IYD: variants seen among roughly 807,000 people sequenced by gnomAD.
The protein encoded by IYD is iodotyrosine deiodinase 1.
IYD carries 25 observed loss-of-function variants against 28.4 expected under a neutral mutation model. That is an observed-to-expected ratio of 0.88 (90% CI 0.64 to 1.23). IYD has a LOEUF of 1.23. Ranked by LOEUF, IYD falls within the 50% of genes most tolerant of loss-of-function variation. The pLI, the probability that IYD is intolerant of heterozygous loss-of-function variation, is 0.00. For missense variants in IYD, 352 were observed against 357.9 expected (o/e 0.98, Z 0.13); for synonymous variants, 140 against 130.8 (o/e 1.07, Z -0.48).
At chr6:150,396,441 A>G (rs1250297817) in intron 4 of IYD, 1 of 682,854 alleles carries the variant, frequency 1.5e-6, no homozygotes. Context: ...TAATAAGAGG[A>G]ATTGTTTAAT....
intron 1 of IYD, among the ~76,000 whole-genome samples, chr6:150,386,816 G>A (rs1777880444): frequency 1.3e-5 from 2 of 151,842 alleles, no homozygotes. Flanking sequence ...ATAGTTATGT[G>A]ATGCATGGTA....
At chr6:150,381,108 T>C (rs1262311521) in intron 1 of IYD, among the ~76,000 whole-genome samples, 2 of 152,240 alleles carry the variant, frequency 1.3e-5, no homozygotes, top group Admixed American at 1.3e-4. Flanking sequence ...AAGGCAAAAG[T>C]ACCTATGGCC....
intron 4 of IYD, chr6:150,395,351 T>C (rs773756635): frequency 7.7e-6 from 11 of 1,427,378 alleles, no homozygotes; most frequent in Admixed American, 4.1e-5. Context: ...ACATGTATGT[T>C]GAATAACACC....
intron 4 of IYD, chr6:150,397,020 A>G (rs1259727828): frequency 6.6e-6 from 1 of 152,274 alleles, no homozygotes; most frequent in African/African-American, 2.4e-5. Flanking sequence ...TGTATTCTTG[A>G]GAACAGTCTC....
rs1778423997 is a variant in IYD at position 150,398,908 on chromosome 6, A to C, written c.*671A>C. ...AATACAAAAAATTAGCTGGGCATGC[A>C]CTTGTAATTCCAGCTACTCAGGAGG... On this transcript the variant is annotated 3_prime_UTR_variant, in exon 5 of 5. Coordinates refer to ENST00000344419, the MANE Select transcript of IYD (RefSeq NM_203395.3). 1 of 152,206 alleles carries C rather than the reference A, an allele frequency of 6.6e-6. No homozygotes were observed. The highest frequency in any genetic ancestry group is 1.5e-5 in the Non-Finnish European group (1 of 68,146). The allele number at this position is 152,206 out of a possible 1,614,324, so 9.4% of individuals were successfully genotyped here. A position where few individuals can be genotyped will look rare whatever the true frequency, so the allele number is the denominator to read the frequency against.
Position 150,369,016 on chromosome 6 carries a change from C to T in IYD, c.-16C>T, listed in dbSNP as rs377735219. 3.5e-5 allele frequency: 56 copies of T among 1,613,474 alleles called. No homozygotes were observed. The highest frequency in any genetic ancestry group is 4.5e-5 in the Non-Finnish European group (53 of 1,179,668). ...GTGTGGGAAGTGTGCACGCCTGTGA[C>T]GTCAGACTCCAGACCATGTATTTCC... On this transcript the variant is annotated 5_prime_UTR_variant, in exon 1 of 5. It adds an upstream start codon to the 5' untranslated region. Coordinates refer to ENST00000344419, the MANE Select transcript of IYD (RefSeq NM_203395.3).
intron 4 of IYD, among the ~76,000 whole-genome samples, chr6:150,397,580 C>CAA (rs765869613): frequency 1.6e-5 from 2 of 125,944 alleles, no homozygotes; most frequent in Non-Finnish European, 3.1e-5. Flanking sequence ...AAAAAAAAAA[C>CAA]AAAAAACAAA....
intron 3 of IYD, among the ~76,000 whole-genome samples, chr6:150,393,392 C>T (rs1051013147): frequency 6.6e-6 from 1 of 152,200 alleles, no homozygotes; most frequent in Admixed American, 6.5e-5. Context: ...GAAAGTGTAA[C>T]ATACAGATAT....
At position 150,398,203 on chromosome 6, in the gene IYD, G is replaced by A. The variant is rs917286641; in HGVS notation, c.836G>A (p.Arg279His). Reference sequence around the variant, plus strand: ...GAGGCCACGGTGCCTGACCTCAAGCGCAAACCTCTGGACCAGATCATGGTG... The same window carrying A: ...GAGGCCACGGTGCCTGACCTCAAGCACAAACCTCTGGACCAGATCATGGTG... ...SKEATVPDLK[R>H]KPLDQIMVTV The change falls in exon 5 of 5, where the codon CGC becomes CAC. Residue 279 changes from arginine to histidine, a missense_variant. By Grantham distance (29) the Arg-to-His change is conservative (BLOSUM62 0). Coordinates refer to ENST00000344419, the MANE Select transcript of IYD (RefSeq NM_203395.3). 8.1e-6 allele frequency: 13 copies of A among 1,614,132 alleles called. No homozygotes were observed. Among genetic ancestry groups the A allele is most frequent in the East Asian group, 2.2e-5 (1 of 44,862 alleles).
In IYD at chr6:150,389,559, T is replaced by C. The variant is rs759248262; in HGVS notation, c.370+16T>C. ...AGAACGGCAGGTTTGTAATTGCAGA[T>C]GGGGTCTTTGGAAATGTTAGTCACC... On this transcript the variant is annotated intron_variant, in intron 2 of 4. Transcript: ENST00000344419. 2.7e-5 allele frequency: 44 copies of C among 1,608,642 alleles called. No individual in the cohort carries two copies. Among genetic ancestry groups the C allele is most frequent in the African/African-American group, 2.5e-4 (19 of 74,814 alleles).
At chr6:150,380,957 T>C (rs649613) in intron 1 of IYD, among the ~76,000 whole-genome samples, 60,701 of 151,976 alleles carry the variant, frequency 0.4, 13,613 homozygotes, top group Non-Finnish European at 0.52. Flanking sequence ...AAAAGAGTGG[T>C]CCATGGAATC....
At chr6:150,387,980 C>T (rs1777942201) in intron 1 of IYD, among the ~76,000 whole-genome samples, 1 of 151,934 alleles carries the variant, frequency 6.6e-6, no homozygotes, top group Admixed American at 6.6e-5. Context: ...AGTCTTTGGG[C>T]ATCTGACTTT....
Position 150,394,112 on chromosome 6 carries a change from A to C in IYD, c.544A>C (p.Lys182Gln). ...TTCTCTTCACAGAACCAACTGGATT[A>C]AAGAGTACTTGGATACTGCCCCTAT... ...DLKKLRTNWI[K>Q]EYLDTAPILI... Residue 182 changes from lysine (K) to glutamine (Q), a missense_variant, in exon 4 of 5, where the codon AAA becomes CAA. Lys to Gln is a moderately conservative substitution (Grantham distance 53, BLOSUM62 1). Coordinates refer to ENST00000344419, the MANE Select transcript of IYD (RefSeq NM_203395.3). 1 of 1,614,194 alleles carries C rather than the reference A, an allele frequency of 6.2e-7. No individual in the cohort carries two copies. Among genetic ancestry groups the C allele is most frequent in the Non-Finnish European group, 8.5e-7 (1 of 1,180,012 alleles).
chr6:150,384,614 A>C (rs1777794179), intron 1 of IYD: 1 of 152,166 alleles, frequency 6.6e-6, no homozygotes, highest in Admixed American at 6.5e-5. Context: ...TAACTGTTTG[A>C]AGACAGCATC....
In IYD at chr6:150,402,762, A is replaced by C. The variant is rs1351990442; in HGVS notation, c.*4525A>C. 1 of 152,230 alleles carries C rather than the reference A, an allele frequency of 6.6e-6. No individual in the cohort carries two copies. The highest frequency in any genetic ancestry group is 1.5e-5 in the Non-Finnish European group (1 of 68,042). 9.4% of individuals were successfully genotyped at this position (152,230 alleles called of 1,614,324 possible). ...AAAATGGAAACTTCCATCAAGGAGT[A>C]CTGGAGGACAGTTCAGTATTTCTTC... On this transcript the variant is annotated 3_prime_UTR_variant, in exon 5 of 5. Transcript: ENST00000344419.
At chr6:150,381,047 G>C (rs1431526285) in intron 1 of IYD, among the ~76,000 whole-genome samples, 1 of 152,198 alleles carries the variant, frequency 6.6e-6, no homozygotes, top group Non-Finnish European at 1.5e-5. Context: ...CTGGTGAGGG[G>C]ATGTGAGCAA....
At position 150,398,101 on chromosome 6, in the gene IYD, C is replaced by T. The variant is rs747316491; in HGVS notation, c.734C>T (p.Pro245Leu). 4 of 1,614,196 alleles carry T rather than the reference C, an allele frequency of 2.5e-6. No individual in the cohort carries two copies. The highest frequency in any genetic ancestry group is 3.4e-6 in the Non-Finnish European group (4 of 1,180,018). ...ACTACCACTCCTCTCAACTGTGGCC[C>T]TCGACTGAGGGTGCTCCTGGGCCGC... is the stretch of plus-strand genomic sequence containing the variant. ...TVTTTPLNCG[P>L]RLRVLLGRPA... is the part of the protein sequence containing the mutation. Residue 245 changes from proline to leucine, a missense_variant, in exon 5 of 5, where the codon CCT becomes CTT. Physicochemically the swap from Pro to Leu is moderately conservative, Grantham distance 98 (BLOSUM62 -3). Coordinates refer to ENST00000344419, the MANE Select transcript of IYD (RefSeq NM_203395.3).
intron 4 of IYD, chr6:150,395,912 A>T (rs1778295830): frequency 1.9e-6 from 1 of 519,318 alleles, no homozygotes; most frequent in Admixed American, 3.2e-5. Context: ...TTGGCCACTG[A>T]GTCCCCTATC....
intron 2 of IYD, 57 bp from the exon 3 acceptor site, chr6:150,392,288 A>G: frequency 6.2e-7 from 1 of 1,609,674 alleles, no homozygotes. Flanking sequence ...CTCCTTAATT[A>G]GCAGTCTCAC....
Sources: gnomAD v4.1 joint callset for allele counts (sites outside exome capture counted in the v4.1 genomes callset) on GRCh38, gnomAD v4.1.1 for gene constraint, MANE v1.5 for transcripts, NCBI Gene and HGNC (gene_info 2026-07-23, HGNC 2026-07-21) for gene names.